SCHIP1: variants seen among roughly 807,000 people sequenced by gnomAD.
SCHIP1 encodes the protein schwannomin-interacting protein 1.
In SCHIP1, 8 loss-of-function variants were observed where a neutral mutation model predicts 29.7. That is an observed-to-expected ratio of 0.27 (90% CI 0.16 to 0.49). SCHIP1 has a LOEUF of 0.49. Ranked by LOEUF, SCHIP1 falls within the 20% of genes least tolerant of loss-of-function variation. The pLI is 0.99. For missense variants in SCHIP1, 193 were observed against 294.6 expected, an observed-to-expected ratio of 0.66 and a Z score of 2.52; for synonymous variants, 76 against 94.9, an observed-to-expected ratio of 0.80 and a Z score of 1.16.
the SCHIP1 span, among the ~76,000 whole-genome samples, chr3:159,442,390 GT>G: frequency 8.5e-5 from 13 of 152,110 alleles, no homozygotes; most frequent in African/African-American, 2.4e-4. Context: ...CTTTGTTTCT[GT>G]CCCCTATCAT....
chr3:159,283,576 A>T, the SCHIP1 span, among the ~76,000 whole-genome samples: 2 of 151,098 alleles, frequency 1.3e-5, no homozygotes, highest in African/African-American at 4.9e-5. Context: ...ATGGCGCGCG[A>T]TCTTGGCGTG....
At chr3:159,637,100 T>C in the SCHIP1 span, among the ~76,000 whole-genome samples, 1 of 152,224 alleles carries the variant, frequency 6.6e-6, no homozygotes, top group Non-Finnish European at 1.5e-5. Context: ...GTTGATCATT[T>C]GAAGTAAATA....
intron 2 of SCHIP1, among the ~76,000 whole-genome samples, chr3:159,875,183 A>T (rs1715678077): frequency 6.6e-6 from 1 of 152,218 alleles, no homozygotes; most frequent in Admixed American, 6.5e-5. Context: ...TATGTAAGCA[A>T]TTCTTCTCCT....
At chr3:159,535,447 T>C in the SCHIP1 span, among the ~76,000 whole-genome samples, 2 of 152,216 alleles carry the variant, frequency 1.3e-5, no homozygotes, top group Non-Finnish European at 2.9e-5. Flanking sequence ...GCATCAGCCT[T>C]GAGGGCTGGT....
the SCHIP1 span, among the ~76,000 whole-genome samples, chr3:159,749,721 A>G: frequency 6.6e-6 from 1 of 152,208 alleles, no homozygotes; most frequent in African/African-American, 2.4e-5. Flanking sequence ...GTTTTTGCAA[A>G]CTTAATTTTG....
the SCHIP1 span, among the ~76,000 whole-genome samples, chr3:159,670,281 C>T: frequency 4.6e-5 from 7 of 152,154 alleles, no homozygotes; most frequent in African/African-American, 1.7e-4. Flanking sequence ...GGCTTCTTCT[C>T]ACTAATGTTC....
At chr3:159,553,958 G>A in the SCHIP1 span, among the ~76,000 whole-genome samples, 1,468 of 148,984 alleles carry the variant, frequency 9.9e-3, 17 homozygotes, top group African/African-American at 0.028. Context: ...CTGACACCAC[G>A]CCCAGCTACG....
At chr3:159,286,524 C>T in the SCHIP1 span, among the ~76,000 whole-genome samples, 3 of 152,074 alleles carry the variant, frequency 2.0e-5, no homozygotes, top group Admixed American at 2.0e-4. Context: ...AATAGCACTG[C>T]GATTAGCATA....
the SCHIP1 span, among the ~76,000 whole-genome samples, chr3:159,762,260 C>G: frequency 2.0e-5 from 3 of 152,146 alleles, no homozygotes; most frequent in African/African-American, 7.2e-5. Context: ...CTGGCCAGAC[C>G]GGAAGGCCCC....
the SCHIP1 span, among the ~76,000 whole-genome samples, chr3:159,434,171 C>T: frequency 3.9e-5 from 6 of 152,186 alleles, no homozygotes; most frequent in South Asian, 4.1e-4. Context: ...TAGGCACCTA[C>T]GATGTGCCAG....
At chr3:159,625,550 T>A in the SCHIP1 span, among the ~76,000 whole-genome samples, 1 of 152,136 alleles carries the variant, frequency 6.6e-6, no homozygotes, top group African/African-American at 2.4e-5. Flanking sequence ...TTTATTTCCC[T>A]CCTACCTAAT....
At chr3:159,281,270 A>T in the SCHIP1 span, among the ~76,000 whole-genome samples, 2 of 152,208 alleles carry the variant, frequency 1.3e-5, no homozygotes, top group Non-Finnish European at 2.9e-5. Flanking sequence ...ACCTGCTAGA[A>T]TCTGGGGAAA....
At chr3:159,398,270 A>G in the SCHIP1 span, among the ~76,000 whole-genome samples, 11 of 152,290 alleles carry the variant, frequency 7.2e-5, no homozygotes, top group East Asian at 1.9e-3. Flanking sequence ...ATGGAAATGC[A>G]GAAATCACCC....
At chr3:159,853,477 T>C (rs1712924008) in intron 1 of SCHIP1, 2 of 688,268 alleles carry the variant, frequency 2.9e-6, no homozygotes, top group Non-Finnish European at 5.3e-6. Context: ...GAGAGCTCTT[T>C]TGTTTATAAA....
the SCHIP1 span, among the ~76,000 whole-genome samples, chr3:159,580,267 G>C: frequency 8.5e-5 from 13 of 152,088 alleles, no homozygotes; most frequent in Admixed American, 3.3e-4. Flanking sequence ...AATCTGCAGG[G>C]AGCAGCCTGA....
At chr3:159,666,551 G>T in the SCHIP1 span, among the ~76,000 whole-genome samples, 1 of 152,118 alleles carries the variant, frequency 6.6e-6, no homozygotes, top group Admixed American at 6.5e-5. Flanking sequence ...CACATAAATA[G>T]AATTGAAAGA....
the SCHIP1 span, among the ~76,000 whole-genome samples, chr3:159,327,145 T>C: frequency 6.6e-6 from 1 of 152,298 alleles, no homozygotes; most frequent in South Asian, 2.1e-4. Context: ...TGCTAGACTG[T>C]TGGTTTAAAA....
the SCHIP1 span, among the ~76,000 whole-genome samples, chr3:159,674,011 T>C: frequency 1.3e-5 from 2 of 152,188 alleles, no homozygotes; most frequent in Non-Finnish European, 2.9e-5. Context: ...ATGCTTTCCA[T>C]GGAGCTTATC....
At chr3:159,507,862 G>T in the SCHIP1 span, among the ~76,000 whole-genome samples, 1 of 152,112 alleles carries the variant, frequency 6.6e-6, no homozygotes, top group Non-Finnish European at 1.5e-5. Context: ...TGCTGGATTC[G>T]GTTTGCCAGT....
Sources: allele counts gnomAD v4.1 joint callset (sites outside exome capture counted in the v4.1 genomes callset), GRCh38; gene constraint gnomAD v4.1.1; transcripts MANE v1.5; gene names NCBI Gene and HGNC (gene_info 2026-07-23, HGNC 2026-07-21).